Variants in SCFD2 observed in about 807,000 individuals in gnomAD.
SCFD2 encodes the protein sec1 family domain-containing protein 2.
A neutral mutation model predicts 58.9 loss-of-function variants in SCFD2; 54 were observed. That is an observed-to-expected ratio of 0.92 (90% confidence interval 0.74 to 1.15). The LOEUF is 1.15. Among genes scored for constraint, SCFD2 ranks in the 50% most tolerant of loss-of-function variants. The pLI, the probability that SCFD2 is intolerant of heterozygous loss-of-function variation, is 0.00. For missense variants in SCFD2, 805 were observed against 836.6 expected (o/e 0.96, Z 0.47); for synonymous variants, 321 against 335.9 (o/e 0.96, Z 0.49).
chr4:53,026,079 A>AAAC (rs146280196), intron 5 of SCFD2, among the ~76,000 whole-genome samples: 1,819 of 152,036 alleles, frequency 0.012, 32 homozygotes, highest in African/African-American at 0.042. Flanking sequence ...ACCACCAGAA[A>AAAC]AACAACAACA....
At chr4:53,231,470 T>C (rs368217587) in intron 4 of SCFD2, among the ~76,000 whole-genome samples, 2 of 152,242 alleles carry the variant, frequency 1.3e-5, no homozygotes, top group African/African-American at 4.8e-5. Context: ...TAAGCTCTCC[T>C]ACAAAAGCAA....
chr4:52,875,298 T>A (rs1718444656), intron 8 of SCFD2, among the ~76,000 whole-genome samples: 1 of 152,164 alleles, frequency 6.6e-6, no homozygotes, highest in Non-Finnish European at 1.5e-5. Context: ...GATTTATCTC[T>A]GCAAAGGTGG....
At chr4:53,246,562 TC>T (rs2149031214) in intron 4 of SCFD2, among the ~76,000 whole-genome samples, 1 of 152,262 alleles carries the variant, frequency 6.6e-6, no homozygotes, top group African/African-American at 2.4e-5. Flanking sequence ...GACCATCTAA[TC>T]TTTGACAAAG....
chr4:53,330,041 G>A (rs1029857432), intron 2 of SCFD2, among the ~76,000 whole-genome samples: 4 of 151,472 alleles, frequency 2.6e-5, no homozygotes, highest in African/African-American at 9.7e-5. Flanking sequence ...GGGAAGTTTA[G>A]AGAAAAAAGA....
intron 5 of SCFD2, among the ~76,000 whole-genome samples, chr4:52,986,729 G>C (rs1721504837): frequency 1.3e-5 from 2 of 151,932 alleles, no homozygotes; most frequent in African/African-American, 4.8e-5. Flanking sequence ...TCGATCTCCT[G>C]ACCTCGTGAT....
chr4:53,171,501 T>C (rs1727175452), intron 4 of SCFD2, among the ~76,000 whole-genome samples: 1 of 152,224 alleles, frequency 6.6e-6, no homozygotes, highest in Non-Finnish European at 1.5e-5. Context: ...TTTCCTTCTC[T>C]GGCTTTGGTA....
intron 5 of SCFD2, among the ~76,000 whole-genome samples, chr4:53,028,392 C>G (rs1017253915): frequency 6.6e-6 from 1 of 151,910 alleles, no homozygotes; most frequent in Admixed American, 6.6e-5. Flanking sequence ...ATAAACATAC[C>G]TTGGAAAAAC....
intron 5 of SCFD2, among the ~76,000 whole-genome samples, chr4:53,097,118 C>T (rs1724675457): frequency 6.6e-6 from 1 of 152,130 alleles, no homozygotes; most frequent in South Asian, 2.1e-4. Context: ...GTTACTGTAG[C>T]CTTGTAGTAT....
intron 4 of SCFD2, among the ~76,000 whole-genome samples, chr4:53,180,273 T>G (rs1200432611): frequency 6.6e-6 from 1 of 152,044 alleles, no homozygotes; most frequent in Non-Finnish European, 1.5e-5. Flanking sequence ...TCAGCAAAAG[T>G]AAAAGAACAG....
chr4:53,022,463 A>G (rs1192351651), intron 5 of SCFD2, among the ~76,000 whole-genome samples: 2 of 152,192 alleles, frequency 1.3e-5, no homozygotes, highest in Non-Finnish European at 2.9e-5. Context: ...AGAAATCTGT[A>G]TATCTGTATT....
At chr4:52,927,060 C>T (rs774069509) in intron 5 of SCFD2, among the ~76,000 whole-genome samples, 7 of 151,992 alleles carry the variant, frequency 4.6e-5, no homozygotes, top group Admixed American at 6.6e-5. Context: ...AGGACAGTCC[C>T]GGGAAGTGCA....
chr4:53,238,765 C>T (rs1394045765), intron 4 of SCFD2, among the ~76,000 whole-genome samples: 52 of 150,622 alleles, frequency 3.5e-4, no homozygotes, highest in African/African-American at 1.1e-3. Context: ...AGACGATGGG[C>T]GGCCGGGCAG....
chr4:53,271,109 A>T (rs928903377), intron 4 of SCFD2, among the ~76,000 whole-genome samples: 1 of 152,128 alleles, frequency 6.6e-6, no homozygotes, highest in African/African-American at 2.4e-5. Context: ...GCCTCTTGAT[A>T]TATGTTTGTG....
At chr4:52,959,662 C>T (rs1720797720) in intron 5 of SCFD2, among the ~76,000 whole-genome samples, 1 of 152,144 alleles carries the variant, frequency 6.6e-6, no homozygotes, top group Non-Finnish European at 1.5e-5. Context: ...ACGACACAGG[C>T]ACATTCCTCC....
intron 4 of SCFD2, among the ~76,000 whole-genome samples, chr4:53,153,394 G>T (rs1241532294): frequency 6.6e-6 from 1 of 152,248 alleles, no homozygotes; most frequent in Admixed American, 6.5e-5. Context: ...CTCCAGAGCA[G>T]CAACTAAAGT....
At chr4:53,197,747 CA>C (rs10717880) in intron 4 of SCFD2, among the ~76,000 whole-genome samples, 45,014 of 96,498 alleles carry the variant, frequency 0.47, 6,064 homozygotes, top group Non-Finnish European at 0.52. Context: ...TAGAAGATGG[CA>C]AAAAAAAAAA....
At chr4:53,013,719 G>A (rs1722149620) in intron 5 of SCFD2, among the ~76,000 whole-genome samples, 1 of 152,096 alleles carries the variant, frequency 6.6e-6, no homozygotes, top group African/African-American at 2.4e-5. Context: ...AGATCATTAG[G>A]CCCATCTCCT....
chr4:53,269,101 C>T (rs1271881983), intron 4 of SCFD2, among the ~76,000 whole-genome samples: 1 of 152,070 alleles, frequency 6.6e-6, no homozygotes, highest in Non-Finnish European at 1.5e-5. Flanking sequence ...GGGAGGATCA[C>T]TTGAGTCCAG....
intron 5 of SCFD2, among the ~76,000 whole-genome samples, chr4:53,115,190 A>G (rs1725286400): frequency 6.6e-6 from 1 of 152,134 alleles, no homozygotes; most frequent in Non-Finnish European, 1.5e-5. Flanking sequence ...CAGAGATTAT[A>G]GACTGAATTT....
Sources: gnomAD v4.1 joint callset for allele counts (sites outside exome capture counted in the v4.1 genomes callset) on GRCh38, gnomAD v4.1.1 for gene constraint, MANE v1.5 for transcripts, NCBI Gene and HGNC (gene_info 2026-07-23, HGNC 2026-07-21) for gene names.